The following GUK1 variants were observed in gnomAD, a reference collection of about 807,000 sequenced individuals.
The protein encoded by GUK1 is guanylate kinase 1, also known as guanylate kinase.
Under a neutral mutation model 25.2 loss-of-function variants are expected in GUK1, and 18 were observed. The ratio of observed to expected loss-of-function variants is 0.71; its 90% confidence interval spans 0.49 to 1.06. The LOEUF (loss-of-function observed/expected upper bound fraction) is 1.06. GUK1 is among the 50% of genes least tolerant of loss of function. The pLI is 0.00. For synonymous variants in GUK1, 105 were observed against 117.6 expected (o/e 0.89, Z 0.69); for missense variants, 261 against 276.7 (o/e 0.94, Z 0.40).
intron 1 of GUK1, among the ~76,000 whole-genome samples, chr1:228,140,958 G>A (rs1176467491): frequency 6.6e-6 from 1 of 152,232 alleles, no homozygotes; most frequent in African/African-American, 2.4e-5. Flanking sequence ...CGCCTTAGAA[G>A]TATGCCCCAG....
At chr1:228,146,330 T>C in intron 4 of GUK1, 1 of 553,320 alleles carries the variant, frequency 1.8e-6, no homozygotes, top group Admixed American at 3.2e-5. Flanking sequence ...ACAGTGCTGC[T>C]GTCCCCAGCC....
At chr1:228,144,164 T>G (rs79176966) in intron 2 of GUK1, among the ~76,000 whole-genome samples, 366 of 152,254 alleles carry the variant, frequency 2.4e-3, no homozygotes, top group Non-Finnish European at 4.2e-3. Context: ...GAGTGGCATG[T>G]GTGTGGTGGG....
At chr1:228,141,771 C>T (rs1409236570) in intron 2 of GUK1, 12 of 1,291,050 alleles carry the variant, frequency 9.3e-6, no homozygotes, top group Non-Finnish European at 1.2e-5. Flanking sequence ...GGATCTGCGC[C>T]GGCGGCTCCC....
Position 228,148,869 on chromosome 1 carries a change from G to T in GUK1, c.*172G>T. The T allele has an allele frequency of 1.3e-6, 2 of 1,516,488 alleles. No homozygotes were observed. The highest frequency in any genetic ancestry group is 1.4e-5 in the African/African-American group (1 of 72,624). The allele number at this position is 1,516,488 out of a possible 1,614,324, so 93.9% of individuals were successfully genotyped here. On this transcript the variant is annotated 3_prime_UTR_variant, in exon 9 of 9. Transcript: ENST00000312726. The stretch of plus-strand genomic sequence containing the variant: ...CTGGGGTGACCCCCGACCCAGCCTC[G>T]CTGGGCTGTCCCCTGTCCCTATCTC...
At position 228,148,461 on chromosome 1, in the gene GUK1, G is replaced by T; in HGVS notation, c.561+5G>T. On this transcript the variant is annotated splice_donor_5th_base_variant and intron_variant, in intron 8 of 8. Transcript: ENST00000312726. ...CTGAAGGAGGCGCTCTCTGAGGTGGGCCCATCCTTGTGCCTACCTGGGCAA... is the reference window on the plus strand; with the variant it reads ...CTGAAGGAGGCGCTCTCTGAGGTGGTCCCATCCTTGTGCCTACCTGGGCAA... 6.4e-7 allele frequency: 1 copy of T among 1,567,072 alleles called. No individual in the cohort carries two copies. Among genetic ancestry groups the T allele is most frequent in the Non-Finnish European group, 8.7e-7 (1 of 1,155,420 alleles).
chr1:228,140,785 G>A (rs572877206), intron 1 of GUK1, among the ~76,000 whole-genome samples: 1 of 152,364 alleles, frequency 6.6e-6, no homozygotes, highest in African/African-American at 2.4e-5. Context: ...GCTATTCCGG[G>A]GCTCCCAGGA....
rs956279669 is a variant in GUK1 at position 228,140,322 on chromosome 1, C to G, written c.-209C>G. 3.0e-5 allele frequency: 46 copies of G among 1,529,104 alleles called. No individual in the cohort carries two copies. Among genetic ancestry groups the G allele is most frequent in the Non-Finnish European group, 3.8e-5 (44 of 1,144,412 alleles). The allele number at this position is 1,529,104 out of a possible 1,614,324, so 94.7% of individuals were successfully genotyped here. ...CCCCGGATGCTGCGGCGCCCGCTGG[C>G]CGGGCTGGCTGCGGCCGCCCTGGGC... On this transcript the variant is annotated 5_prime_UTR_variant, in exon 1 of 9. Transcript: ENST00000312726.
chr1:228,147,357 A>G (rs1187802927), intron 5 of GUK1, 49 bp from the exon 5 acceptor site: 1 of 1,572,908 alleles, frequency 6.4e-7, no homozygotes, highest in Admixed American at 1.7e-5. Context: ...AAGCTCCTGT[A>G]GGCCTCAGAG....
rs755647939 is a variant in GUK1, at chr1:228,140,368, G to A, written c.-168+5G>A. On this transcript the variant is annotated splice_donor_5th_base_variant and intron_variant, in intron 1 of 8. Coordinates refer to ENST00000312726, the MANE Select transcript of GUK1 (RefSeq NM_000858.7). ...TGGGCCGGGCCCCACCGGACGGTGA[G>A]TACGACAAGCGCGATCGCGAGGGTG... 5 of 1,518,720 alleles carry A rather than the reference G, an allele frequency of 3.3e-6. No individual in the cohort carries two copies. The highest frequency in any genetic ancestry group is 8.8e-7 in the Non-Finnish European group (1 of 1,141,652). The allele number at this position is 1,518,720 out of a possible 1,614,324, so 94.1% of individuals were successfully genotyped here.
chr1:228,147,817 G>A, intron 7 of GUK1, 118 bp downstream of exon 6: 1 of 817,142 alleles, frequency 1.2e-6, no homozygotes, highest in Non-Finnish European at 1.9e-6. Context: ...CCCTGTGAGG[G>A]TCCTCAGACC....
At chr1:228,141,319 A>T in intron 2 of GUK1, 4 of 953,630 alleles carry the variant, frequency 4.2e-6, no homozygotes, top group Non-Finnish European at 5.0e-6. Context: ...CCCCCGGGGA[A>T]AGAAAGTGAA....
chr1:228,147,386 G>T lies in GUK1; in HGVS notation c.252-20G>T. 6.2e-7 allele frequency: 1 copy of T among 1,604,876 alleles called. No individual in the cohort carries two copies. Among genetic ancestry groups the T allele is most frequent in the South Asian group, 1.1e-5 (1 of 90,758 alleles). The stretch of plus-strand genomic sequence containing the variant: ...CTCAGAGAGCCCTGGCACCCCTGCT[G>T]ACCTGGCACCTCTCCCCAGCAAGGT... On this transcript the variant is annotated intron_variant, in intron 5 of 8. Transcript: ENST00000312726.
intron 2 of GUK1, 100 bp from the exon 2 acceptor site, chr1:228,145,411 G>A: frequency 1.6e-6 from 2 of 1,259,960 alleles, no homozygotes; most frequent in Non-Finnish European, 2.2e-6. Flanking sequence ...CCATCCCTGG[G>A]TCAGCCCTTT....
chr1:228,140,325 G>A lies in GUK1; in HGVS notation c.-206G>A. On this transcript the variant is annotated 5_prime_UTR_variant, in exon 1 of 9. Transcript: ENST00000312726. ...CGGATGCTGCGGCGCCCGCTGGCCG[G>A]GCTGGCTGCGGCCGCCCTGGGCCGG... 1 of 1,528,484 alleles carries A rather than the reference G, an allele frequency of 6.5e-7. No homozygotes were observed. The highest frequency in any genetic ancestry group is 2.5e-5 in the East Asian group (1 of 39,828). 94.7% of individuals were successfully genotyped at this position (1,528,484 alleles called of 1,614,324 possible).
rs2298013 is a variant in GUK1, at chr1:228,147,770, G to T, written c.475+71G>T. ...GGGTTCTGAGGTCTGTGGCACCAGG[G>T]ACCCTGTGGGTCCCCAGACCTCCTG... On this transcript the variant is annotated intron_variant, in intron 7 of 8. Transcript: ENST00000312726. 4,021 of 1,372,802 alleles carry T rather than the reference G, an allele frequency of 2.9e-3. 103 individuals carry two copies. The Admixed American group carries it at 0.044, about 15-fold the overall frequency. The allele number at this position is 1,372,802 out of a possible 1,614,324, so 85.0% of individuals were successfully genotyped here.
At chr1:228,148,128 C>T (rs1358560401) in intron 7 of GUK1, 1 of 617,984 alleles carries the variant, frequency 1.6e-6, no homozygotes, top group Non-Finnish European at 3.0e-6. Context: ...TAACCAGAGT[C>T]CTGATGGGTG....
At position 228,148,912 on chromosome 1, in the gene GUK1, C is replaced by G. The variant is rs749126766; in HGVS notation, c.*215C>G. On this transcript the variant is annotated 3_prime_UTR_variant, in exon 9 of 9. Transcript: ENST00000312726. ...CCTATCTCTCACTCTGGACCCAGGG[C>G]TGACATCCTAATAAAATAACTGTTG... 2 of 1,182,228 alleles carry G rather than the reference C, an allele frequency of 1.7e-6. No individual in the cohort carries two copies. The highest frequency in any genetic ancestry group is 2.4e-6 in the Non-Finnish European group (2 of 847,904). 73.2% of individuals were successfully genotyped at this position (1,182,228 alleles called of 1,614,324 possible). A position where few individuals can be genotyped will look rare whatever the true frequency, so the allele number is the denominator to read the frequency against.
chr1:228,140,124 C>A, upstream of GUK1: 1 of 586,118 alleles, frequency 1.7e-6, no homozygotes, highest in Non-Finnish European at 3.0e-6. Flanking sequence ...CGCGACAGGC[C>A]AGCGCAGGTG....
rs762677870 is a variant in GUK1 at position 228,147,525 on chromosome 1, C to T, written c.371C>T (p.Pro124Leu). The T allele has an allele frequency of 1.5e-5, 25 of 1,613,264 alleles. No homozygotes were observed. The highest frequency in any genetic ancestry group is 4.0e-5 in the African/African-American group (3 of 74,930). ...CGGCCCATCTACATCTCTGTGCAGCCGCCTTCACTGCACGTGCTGGTGTGT... is the reference window on the plus strand; with the variant it reads ...CGGCCCATCTACATCTCTGTGCAGCTGCCTTCACTGCACGTGCTGGTGTGT... The change falls in exon 6 of 9, where the codon CCG (proline) becomes CTG (leucine). Residue 124 changes from proline (P) to leucine (L), a missense_variant. Coordinates refer to ENST00000312726, the MANE Select transcript of GUK1 (RefSeq NM_000858.7).
Sources: allele counts gnomAD v4.1 joint callset (sites outside exome capture counted in the v4.1 genomes callset), GRCh38; gene constraint gnomAD v4.1.1; transcripts MANE v1.5; gene names NCBI Gene and HGNC (gene_info 2026-07-23, HGNC 2026-07-21).